CLDN11: variants seen among roughly 807,000 people sequenced by gnomAD.
CLDN11 encodes the protein claudin-11.
A neutral mutation model predicts 18.0 loss-of-function variants in CLDN11; 1 was observed. The ratio of observed to expected loss-of-function variants is 0.06; its 90% CI spans 0.02 to 0.26. The LOEUF is 0.26. Ranked by LOEUF, CLDN11 falls within the 10% of genes least tolerant of loss-of-function variation. CLDN11 has a pLI of 1.00. For missense variants in CLDN11, 172 were observed against 276.6 expected, an observed-to-expected ratio of 0.62 and a Z score of 2.68; for synonymous variants, 116 against 121.5, an observed-to-expected ratio of 0.96 and a Z score of 0.30.
intron 2 of CLDN11, among the ~76,000 whole-genome samples, chr3:170,423,920 G>A (rs1211245604): frequency 3.9e-5 from 6 of 151,906 alleles, no homozygotes; most frequent in Admixed American, 6.6e-5. Context: ...TACTCGGGGC[G>A]GGGGTTGCTA....
Position 170,418,947 on chromosome 3 carries a change from C to G in CLDN11, c.-120C>G. ...CCCACCTCCACCTCCAGTGTCCCGC[C>G]TCGGGCCGTCGCCCTCCAGCGGCTC... On this transcript the variant is annotated 5_prime_UTR_variant, in exon 1 of 3. Coordinates refer to ENST00000064724, the MANE Select transcript of CLDN11 (RefSeq NM_005602.6). This position sits in a 1 kb window ranked among gnomAD's most constrained non-coding sequence, Gnocchi z 4.3. 1 of 751,316 alleles carries G rather than the reference C, an allele frequency of 1.3e-6. No homozygotes were observed. Among genetic ancestry groups the G allele is most frequent in the Non-Finnish European group, 2.2e-6 (1 of 454,796 alleles). The allele number at this position is 751,316 out of a possible 1,614,324, so 46.5% of individuals were successfully genotyped here. A position where few individuals can be genotyped will look rare whatever the true frequency, so the allele number is the denominator to read the frequency against.
chr3:170,430,760 G>A lies in CLDN11; in HGVS notation c.392-1764G>A, dbSNP rs549960669. 1.3e-4 allele frequency among the ~76,000 whole-genome samples: 19 copies of A among 151,336 alleles called. No individual in the cohort carries two copies. In the East Asian group the frequency reaches 3.7e-3, roughly 29 times the overall value. ...GGGGTTTTGCCATGTTGGCCAGGCT[G>A]ATCTTGAACTCCTGACCTCAGGTGA... On this transcript the variant is annotated intron_variant, in intron 2 of 2. Transcript: ENST00000064724.
Position 170,423,232 on chromosome 3 carries a change from T to G in CLDN11, c.296T>G (p.Leu99Arg). 1 of 1,614,240 alleles carries G rather than the reference T, an allele frequency of 6.2e-7. No individual in the cohort carries two copies. Among genetic ancestry groups the G allele is most frequent in the Non-Finnish European group, 8.5e-7 (1 of 1,180,040 alleles). ...SVLGLPAILL[L>R]LTVLPCIRMG... ...CTGGGTCTGCCGGCCATTTTACTGC[T>G]GCTGACTGTTCTTCCCTGCATCCGG... The change falls in exon 2 of 3, where the codon CTG becomes CGG. Residue 99 changes from leucine (L) to arginine (R), a missense_variant. Leu to Arg is a moderately radical substitution (Grantham distance 102, BLOSUM62 -2). Transcript: ENST00000064724.
At chr3:170,424,023 C>CAAAAAA (rs58373106) in intron 2 of CLDN11, among the ~76,000 whole-genome samples, 3 of 120,308 alleles carry the variant, frequency 2.5e-5, no homozygotes, top group African/African-American at 3.3e-5. Flanking sequence ...AGTGCAACTC[C>CAAAAAA]AAAAAAAAAA....
At chr3:170,421,161 G>A (rs1221161572) in intron 1 of CLDN11, 3 of 297,790 alleles carry the variant, frequency 1.0e-5, no homozygotes, top group Non-Finnish European at 1.4e-5. Context: ...GTGGGGGGGG[G>A]GTGGGGGGCG....
chr3:170,428,284 T>G (rs1691127918), intron 2 of CLDN11, among the ~76,000 whole-genome samples: 1 of 152,236 alleles, frequency 6.6e-6, no homozygotes, highest in Non-Finnish European at 1.5e-5. Flanking sequence ...TGTATTGATT[T>G]TATTTAACTT....
intron 1 of CLDN11, chr3:170,421,338 G>C: frequency 1.0e-6 from 1 of 981,676 alleles, no homozygotes; most frequent in Non-Finnish European, 1.2e-6. Context: ...CCTGCTTTGT[G>C]TGAGTACTGG....
In CLDN11 at chr3:170,425,751, C is replaced by T. The variant is rs190734898; in HGVS notation, c.391+2424C>T. Among the ~76,000 whole-genome samples, 270 of 152,286 alleles carry T rather than the reference C, an allele frequency of 1.8e-3. 3 individuals carry two copies. The Middle Eastern group carries it at 0.02, about 12-fold the overall frequency. On this transcript the variant is annotated intron_variant, in intron 2 of 2. Transcript: ENST00000064724. Reference sequence around the variant, plus strand: ...CCAGAGTCCCCTCATTGCCCTTTTACGGCCTTGCATTTCCGATATTGTCTG... The same window carrying T: ...CCAGAGTCCCCTCATTGCCCTTTTATGGCCTTGCATTTCCGATATTGTCTG...
chr3:170,427,228 A>G (rs187895724), intron 2 of CLDN11, among the ~76,000 whole-genome samples: 86 of 152,318 alleles, frequency 5.6e-4, no homozygotes, highest in Non-Finnish European at 2.9e-5. Flanking sequence ...TAGATAGCAT[A>G]TCAAGAAAGA....
chr3:170,426,994 C>A, intron 2 of CLDN11, among the ~76,000 whole-genome samples: 1 of 152,118 alleles, frequency 6.6e-6, no homozygotes, highest in South Asian at 2.1e-4. Context: ...ATTGGGCAGG[C>A]TGGTCTCGAA....
Position 170,423,167 on chromosome 3 carries a change from C to T in CLDN11, c.231C>T (p.Tyr77=), listed in dbSNP as rs367974397. The T allele has an allele frequency of 5.9e-5, 95 of 1,614,090 alleles. No homozygotes were observed. Among genetic ancestry groups the T allele is most frequent in the Non-Finnish European group, 7.0e-5 (83 of 1,180,042 alleles). Reference sequence around the variant, plus strand: ...CATCTGCTCTCTTGTTCCCAGGCTACGTGCAGGCCTGCCGCGCCCTGATGA... The same window carrying T: ...CATCTGCTCTCTTGTTCCCAGGCTATGTGCAGGCCTGCCGCGCCCTGATGA... ...PLVDILILPG[Y]VQACRALMIA... Residue 77 remains tyrosine, a synonymous_variant, in exon 2 of 3, where the codon TAC becomes TAT. Transcript: ENST00000064724.
rs1320679438 is a variant in CLDN11, at chr3:170,419,379, G to A, written c.226+87G>A. 4.7e-5 allele frequency: 47 copies of A among 1,009,768 alleles called. No homozygotes were observed. Among genetic ancestry groups the A allele is most frequent in the Non-Finnish European group, 6.5e-5 (45 of 692,954 alleles). 62.6% of individuals were successfully genotyped at this position (1,009,768 alleles called of 1,614,324 possible). ...TTAGACGGCGTCACAGAGACATTTT[G>A]GGGGCTTGAAGACCTTTGGGTACGT... On this transcript the variant is annotated intron_variant, in intron 1 of 2. Transcript: ENST00000064724. The surrounding 1 kb of genome is among the most constrained non-coding windows in gnomAD (Gnocchi z 8.6).
intron 2 of CLDN11, among the ~76,000 whole-genome samples, chr3:170,430,097 G>A (rs1031034215): frequency 3.9e-5 from 6 of 152,220 alleles, no homozygotes; most frequent in Admixed American, 2.6e-4. Context: ...ACAGCAGAAC[G>A]AATGCCCACT....
chr3:170,433,592 T>C lies in CLDN11; in HGVS notation c.*836T>C, dbSNP rs945676783. 6.6e-6 allele frequency: 1 copy of C among 152,564 alleles called. No individual in the cohort carries two copies. The highest frequency in any genetic ancestry group is 1.5e-5 in the Non-Finnish European group (1 of 68,024). 9.5% of individuals were successfully genotyped at this position (152,564 alleles called of 1,614,324 possible). A position where few individuals can be genotyped will look rare whatever the true frequency, so the allele number is the denominator to read the frequency against. On this transcript the variant is annotated 3_prime_UTR_variant, in exon 3 of 3. Transcript: ENST00000064724. ...GGGAGGGCAATAGTGGAACGAACTTTCCATGGGAAACTTTCCCTTTTGTAA... is the reference window on the plus strand; with the variant it reads ...GGGAGGGCAATAGTGGAACGAACTTCCCATGGGAAACTTTCCCTTTTGTAA...
Position 170,419,021 on chromosome 3 carries a change from G to C in CLDN11, c.-46G>C. ...GCAGGCACTGTCCAGCCCAGGCCCA[G>C]GCACAGCCGTGAGGGGCGAGGCACG... On this transcript the variant is annotated 5_prime_UTR_variant, in exon 1 of 3. Coordinates refer to ENST00000064724, the MANE Select transcript of CLDN11 (RefSeq NM_005602.6). The surrounding 1 kb of genome is among the most constrained non-coding windows in gnomAD (Gnocchi z 8.6). 7.0e-7 allele frequency: 1 copy of C among 1,431,726 alleles called. No homozygotes were observed. The highest frequency in any genetic ancestry group is 1.2e-5 in the South Asian group (1 of 81,410). 88.7% of individuals were successfully genotyped at this position (1,431,726 alleles called of 1,614,324 possible). A position where few individuals can be genotyped will look rare whatever the true frequency, so the allele number is the denominator to read the frequency against.
chr3:170,431,931 C>T (rs1251825979), intron 2 of CLDN11, among the ~76,000 whole-genome samples: 1 of 152,208 alleles, frequency 6.6e-6, no homozygotes, highest in Non-Finnish European at 1.5e-5. Flanking sequence ...AATTTCATAC[C>T]TTCTCCAGAT....
intron 1 of CLDN11, among the ~76,000 whole-genome samples, chr3:170,422,686 G>C (rs531849988): frequency 6.6e-6 from 1 of 152,284 alleles, no homozygotes; most frequent in African/African-American, 2.4e-5. Flanking sequence ...GCCTCCCAAA[G>C]TGCTGGGATT....
chr3:170,420,129 TGACA>T (rs1738689665), intron 1 of CLDN11, among the ~76,000 whole-genome samples: 2 of 152,174 alleles, frequency 1.3e-5, no homozygotes, highest in South Asian at 4.1e-4. Flanking sequence ...AGGTAAAAAT[TGACA>T]GCCTAGCGCC....
At chr3:170,428,217 T>TTGTC (rs924702145) in intron 2 of CLDN11, among the ~76,000 whole-genome samples, 5 of 152,166 alleles carry the variant, frequency 3.3e-5, no homozygotes, top group Non-Finnish European at 5.9e-5. Flanking sequence ...CTCTGCCTCT[T>TTGTC]TGTCTGTCTG....
Sources: gnomAD v4.1 joint callset for allele counts (sites outside exome capture counted in the v4.1 genomes callset) on GRCh38, gnomAD v4.1.1 for gene constraint, Gnocchi (gnomAD v3.1) non-coding constraint, MANE v1.5 for transcripts, NCBI Gene and HGNC (gene_info 2026-07-23, HGNC 2026-07-21) for gene names.